Variants in A2ML1 observed in about 807,000 individuals in gnomAD.
A2ML1 encodes the protein alpha-2-macroglobulin-like protein 1.
In A2ML1, 161 loss-of-function variants were observed where a neutral mutation model predicts 181.9. The ratio of observed to expected loss-of-function variants is 0.89; its 90% CI spans 0.78 to 1.01. A2ML1 has a LOEUF of 1.01. A2ML1 is among the 50% of genes least tolerant of loss of function. A2ML1 has a pLI of 0.00. For synonymous variants in A2ML1, 663 were observed against 666.8 expected (o/e 0.99, Z 0.09); for missense variants, 1,670 against 1,768.1 (o/e 0.94, Z 1.00).
At chr12:8,847,904 C>T (rs1393370479) in intron 15 of A2ML1, among the ~76,000 whole-genome samples, 3 of 151,860 alleles carry the variant, frequency 2.0e-5, no homozygotes, top group Non-Finnish European at 4.4e-5. Flanking sequence ...CTTTGTGAGG[C>T]CGAGGCTGGC....
At chr12:8,831,898 C>CCT (rs1425433161) in intron 4 of A2ML1, among the ~76,000 whole-genome samples, 1 of 152,014 alleles carries the variant, frequency 6.6e-6, no homozygotes, top group Non-Finnish European at 1.5e-5. Flanking sequence ...TACAGGCATG[C>CCT]GCCAACACGC....
chr12:8,851,923 G>A lies in A2ML1; in HGVS notation c.2374G>A (p.Val792Ile). 6.2e-7 allele frequency: 1 copy of A among 1,614,176 alleles called. No individual in the cohort carries two copies. The highest frequency in any genetic ancestry group is 8.5e-7 in the Non-Finnish European group (1 of 1,180,036). ...ACTAACTGCTTTCAAGCCGTTCTTT[G>A]TTGACCTGACTCTCCCTTACTCAGT... Reference protein sequence around the residue: ...VGLTAFKPFFVDLTLPYSVVR... With the variant: ...VGLTAFKPFFIDLTLPYSVVR... Residue 792 changes from valine to isoleucine, a missense_variant, in exon 19 of 36, where the codon GTT (valine) becomes ATT (isoleucine). Coordinates refer to ENST00000299698, the MANE Select transcript of A2ML1 (RefSeq NM_144670.6).
chr12:8,841,295 T>C, intron 10 of A2ML1, 74 bp from the exon 11 acceptor site: 1 of 1,400,700 alleles, frequency 7.1e-7, no homozygotes, highest in Non-Finnish European at 9.7e-7. Context: ...TGCACCAACC[T>C]AATATTTCAC....
chr12:8,836,774 C>T (rs150949290), intron 7 of A2ML1, among the ~76,000 whole-genome samples: 20 of 152,168 alleles, frequency 1.3e-4, no homozygotes, highest in Middle Eastern at 3.4e-3. Context: ...TGAGCCACCG[C>T]GCCCAGCCAA....
chr12:8,849,036 A>T, intron 16 of A2ML1, 122 bp downstream of exon 16: 3 of 1,121,368 alleles, frequency 2.7e-6, no homozygotes, highest in East Asian at 4.9e-5. Context: ...AAATCTTGAA[A>T]GAAGCTTCTG....
At position 8,837,439 on chromosome 12, in the gene A2ML1, G is replaced by C; in HGVS notation, c.729-1G>C. The C allele has an allele frequency of 6.2e-7, 1 of 1,613,666 alleles. No homozygotes were observed. The highest frequency in any genetic ancestry group is 8.5e-7 in the Non-Finnish European group (1 of 1,179,764). ...TGACTCCTTATGCTTTTCTTGGTTAGGTACACCTATGGAAAGCCCATGCTA... is the reference window on the plus strand; with the variant it reads ...TGACTCCTTATGCTTTTCTTGGTTACGTACACCTATGGAAAGCCCATGCTA... On this transcript the variant is annotated splice_acceptor_variant, in intron 7 of 35. Transcript: ENST00000299698. LOFTEE classifies it high-confidence loss of function.
chr12:8,863,635 A>G (rs1305220821), intron 28 of A2ML1, among the ~76,000 whole-genome samples, 159 bp from the exon 29 acceptor site: 2 of 152,196 alleles, frequency 1.3e-5, no homozygotes, highest in Non-Finnish European at 2.9e-5. Flanking sequence ...TTGCATTTAC[A>G]TCAAGGTCAA....
chr12:8,834,844 T>G, intron 5 of A2ML1, 162 bp downstream of exon 5: 1 of 743,918 alleles, frequency 1.3e-6, no homozygotes, highest in East Asian at 2.7e-5. Context: ...GTGCCTGCTT[T>G]CTTGCCTCTG....
chr12:8,840,962 GGAAA>G (rs1265368640), intron 10 of A2ML1, among the ~76,000 whole-genome samples: 3 of 140,208 alleles, frequency 2.1e-5, no homozygotes, highest in Non-Finnish European at 4.6e-5. Context: ...AAGGAAGGAA[GGAAA>G]GAAGGAAGGA....
In A2ML1 at chr12:8,868,088, A is replaced by G. The variant is rs755543487; in HGVS notation, c.3933+31A>G. ...TAGAGATCCATGAGAATGAGCGGAC[A>G]TTGGGAAGGAGAGTCGGAGAGCATC... On this transcript the variant is annotated intron_variant, in intron 30 of 35. Transcript: ENST00000299698. 5.6e-6 allele frequency: 9 copies of G among 1,611,996 alleles called. No individual in the cohort carries two copies. The South Asian group carries it at 7.7e-5, about 14-fold the overall frequency.
At chr12:8,846,324 T>A in intron 14 of A2ML1, 102 bp downstream of exon 14, 2 of 1,336,466 alleles carry the variant, frequency 1.5e-6, no homozygotes, top group Non-Finnish European at 2.1e-6. Context: ...AAGAAGATAG[T>A]GTTGACGTTG....
Position 8,843,132 on chromosome 12 carries a change from A to C in A2ML1, c.1249-2A>C. ...AATTCTCTCTCTCTCTTTTATTCTCAGGGAAAGTTTCAAATGGAAGACTTA... is the reference window on the plus strand; with the variant it reads ...AATTCTCTCTCTCTCTTTTATTCTCCGGGAAAGTTTCAAATGGAAGACTTA... On this transcript the variant is annotated splice_acceptor_variant, in intron 11 of 35. Coordinates refer to ENST00000299698, the MANE Select transcript of A2ML1 (RefSeq NM_144670.6). LOFTEE classifies it high-confidence loss of function. 5.6e-6 allele frequency: 9 copies of C among 1,613,588 alleles called. No homozygotes were observed. Among genetic ancestry groups the C allele is most frequent in the Non-Finnish European group, 7.6e-6 (9 of 1,179,592 alleles).
chr12:8,852,041 G>A lies in A2ML1; in HGVS notation c.2463+29G>A, dbSNP rs2136880276. The A allele has an allele frequency of 1.2e-6, 2 of 1,607,874 alleles. No homozygotes were observed. Among genetic ancestry groups the A allele is most frequent in the Non-Finnish European group, 1.7e-6 (2 of 1,174,604 alleles). ...AGAGCTGGGGATACAGGAATCAGGT[G>A]TCAGCCCTGGAATCACACCTCCCCC... On this transcript the variant is annotated intron_variant, in intron 19 of 35. Transcript: ENST00000299698. This position sits in a 1 kb window ranked among gnomAD's most constrained non-coding sequence, Gnocchi z 4.2.
intron 18 of A2ML1, among the ~76,000 whole-genome samples, chr12:8,850,639 C>T (rs1943858022): frequency 6.6e-6 from 1 of 152,130 alleles, no homozygotes; most frequent in Non-Finnish European, 1.5e-5. Flanking sequence ...AATGTAGAGC[C>T]TGTAGAAAAC....
Position 8,857,586 on chromosome 12 carries a change from AT to A in A2ML1, c.3106del (p.Trp1036GlyfsTer2). The A allele has an allele frequency of 6.2e-7, 1 of 1,610,122 alleles. No individual in the cohort carries two copies. Among genetic ancestry groups the A allele is most frequent in the African/African-American group, 1.3e-5 (1 of 74,964 alleles). ...GGGAGCGAGATGGAAATGGAAACAC[AT>A]GGTAATATCACCCAATTCCCAATGA... is the stretch of plus-strand genomic sequence containing the variant. Reference protein sequence around the residue: ...FGERDGNGNTWLTAFVTKCFG... With the variant: ...FGERDGNGNTXLTAFVTKCFG... On this transcript the variant is annotated frameshift_variant and splice_region_variant, in exon 25 of 36. Coordinates refer to ENST00000299698, the MANE Select transcript of A2ML1 (RefSeq NM_144670.6). LOFTEE classifies it high-confidence loss of function.
chr12:8,835,393 G>T (rs1432685727), intron 5 of A2ML1, 114 bp from the exon 6 acceptor site: 3 of 1,300,852 alleles, frequency 2.3e-6, no homozygotes, highest in East Asian at 2.3e-5. Context: ...GACCACAGGG[G>T]TCATGAACAA....
At chr12:8,859,966 T>G (rs1944199233) in intron 26 of A2ML1, among the ~76,000 whole-genome samples, 1 of 152,176 alleles carries the variant, frequency 6.6e-6, no homozygotes, top group Non-Finnish European at 1.5e-5. Flanking sequence ...GAGTTAAATG[T>G]CCTGGGTTCA....
rs765798961 is a variant in A2ML1, at chr12:8,857,263, A to G, written c.2948A>G (p.Tyr983Cys). 1.2e-6 allele frequency: 2 copies of G among 1,613,586 alleles called. No homozygotes were observed. The highest frequency in any genetic ancestry group is 1.3e-5 in the African/African-American group (1 of 74,852). The change falls in exon 24 of 36, where the codon TAT becomes TGT. Residue 983 changes from tyrosine (Y) to cysteine (C), a missense_variant. Tyr to Cys is a radical substitution (Grantham distance 194). Coordinates refer to ENST00000299698, the MANE Select transcript of A2ML1 (RefSeq NM_144670.6). ...ATGGTCTTGTTTGCTCCCATCATCT[A>G]TGTCTTGCAGTACCTGGAGAAGGCA... ...QNMVLFAPII[Y>C]VLQYLEKAGL...
intron 4 of A2ML1, among the ~76,000 whole-genome samples, 163 bp from the exon 5 acceptor site, chr12:8,834,499 A>G (rs1395266809): frequency 6.6e-6 from 1 of 152,018 alleles, no homozygotes; most frequent in Non-Finnish European, 1.5e-5. Flanking sequence ...CTGTGCCCCC[A>G]TTGTTATTCT....
Sources: gnomAD v4.1 joint callset for allele counts (sites outside exome capture counted in the v4.1 genomes callset) on GRCh38, gnomAD v4.1.1 for gene constraint, Gnocchi (gnomAD v3.1) non-coding constraint, MANE v1.5 for transcripts, NCBI Gene and HGNC (gene_info 2026-07-23, HGNC 2026-07-21) for gene names.